CAMKMT: variants seen among roughly 807,000 people sequenced by gnomAD.
CAMKMT encodes CaM KMT.
CAMKMT carries 53 observed loss-of-function variants against 48.0 expected under a neutral mutation model. The observed-to-expected ratio is 1.10, with a 90% CI of 0.89 to 1.39. The LOEUF (loss-of-function observed/expected upper bound fraction) is 1.39. Among genes scored for constraint, CAMKMT ranks in the 40% most tolerant of loss-of-function variants. CAMKMT has a pLI of 0.00. For synonymous variants in CAMKMT, 165 were observed against 152.3 expected (o/e 1.08, Z -0.61); for missense variants, 428 against 402.7 (o/e 1.06, Z -0.54).
intron 3 of CAMKMT, among the ~76,000 whole-genome samples, chr2:44,625,302 C>T (rs1672417048): frequency 6.6e-6 from 1 of 152,034 alleles, no homozygotes; most frequent in Admixed American, 6.6e-5. Context: ...TTTTTTGGGA[C>T]ATGTTCAAAT....
chr2:44,522,464 G>C (rs1572707360), intron 3 of CAMKMT, among the ~76,000 whole-genome samples: 1 of 152,170 alleles, frequency 6.6e-6, no homozygotes. Flanking sequence ...TTGTAAACCT[G>C]CTGTGGGGCA....
chr2:44,560,473 T>G (rs7607525), intron 3 of CAMKMT, among the ~76,000 whole-genome samples: 1 of 151,898 alleles, frequency 6.6e-6, no homozygotes, highest in African/African-American at 2.4e-5. Flanking sequence ...TGTCTTGCTA[T>G]ATTGCCCAGG....
chr2:44,445,558 A>C (rs1446587063), intron 3 of CAMKMT, among the ~76,000 whole-genome samples: 1 of 150,846 alleles, frequency 6.6e-6, no homozygotes, highest in Non-Finnish European at 1.5e-5. Context: ...TGCACCCTCC[A>C]AACTGGGAAA....
intron 3 of CAMKMT, among the ~76,000 whole-genome samples, chr2:44,601,412 C>A (rs925136876): frequency 1.3e-5 from 2 of 151,952 alleles, no homozygotes; most frequent in African/African-American, 4.8e-5. Flanking sequence ...GCCAAGATTG[C>A]GCCATTGCAC....
At chr2:44,767,126 C>T (rs975459574) in intron 10 of CAMKMT, among the ~76,000 whole-genome samples, 2 of 152,230 alleles carry the variant, frequency 1.3e-5, no homozygotes, top group Non-Finnish European at 2.9e-5. Flanking sequence ...AGCCTGCTTA[C>T]ATAAAGCAAT....
intron 7 of CAMKMT, among the ~76,000 whole-genome samples, chr2:44,730,116 C>G (rs868403685): frequency 6.6e-6 from 1 of 152,148 alleles, no homozygotes; most frequent in Non-Finnish European, 1.5e-5. Context: ...AGATAGATAG[C>G]CTCAGGCTTT....
At chr2:44,482,314 C>G (rs1402470737) in intron 3 of CAMKMT, among the ~76,000 whole-genome samples, 1 of 152,074 alleles carries the variant, frequency 6.6e-6, no homozygotes. Context: ...GTTTTGTAAG[C>G]ATTAGAATAT....
At chr2:44,514,096 T>A (rs1407793488) in intron 3 of CAMKMT, among the ~76,000 whole-genome samples, 1 of 122,236 alleles carries the variant, frequency 8.2e-6, no homozygotes, top group Admixed American at 7.9e-5. Context: ...AGCGAGACCC[T>A]GTCTCAAAAA....
intron 8 of CAMKMT, among the ~76,000 whole-genome samples, chr2:44,745,293 G>T (rs972854809): frequency 6.6e-6 from 1 of 152,142 alleles, no homozygotes; most frequent in Non-Finnish European, 1.5e-5. Flanking sequence ...GCCTGGCTTT[G>T]TCATACCTTG....
chr2:44,376,227 A>G (rs1679675700), intron 2 of CAMKMT, among the ~76,000 whole-genome samples: 1 of 152,018 alleles, frequency 6.6e-6, no homozygotes, highest in African/African-American at 2.4e-5. Context: ...CCTGGCCAAC[A>G]TGCTGAAACC....
At chr2:44,493,935 T>G (rs546320983) in intron 3 of CAMKMT, among the ~76,000 whole-genome samples, 7 of 152,338 alleles carry the variant, frequency 4.6e-5, no homozygotes, top group African/African-American at 1.7e-4. Context: ...TGGCTACATT[T>G]GGATAATAAA....
chr2:44,740,676 C>T (rs1420751415), intron 7 of CAMKMT, among the ~76,000 whole-genome samples: 1 of 152,148 alleles, frequency 6.6e-6, no homozygotes, highest in African/African-American at 2.4e-5. Context: ...TGTCTCTAGC[C>T]ACATTCAGGT....
At chr2:44,382,258 G>A (rs1680324235) in intron 2 of CAMKMT, among the ~76,000 whole-genome samples, 1 of 151,462 alleles carries the variant, frequency 6.6e-6, no homozygotes, top group Non-Finnish European at 1.5e-5. Flanking sequence ...TAAATATTTT[G>A]CTCATTTTCA....
intron 7 of CAMKMT, among the ~76,000 whole-genome samples, chr2:44,739,967 G>T (rs1178588834): frequency 1.3e-5 from 2 of 152,124 alleles, no homozygotes; most frequent in Admixed American, 1.3e-4. Context: ...CAAAGGGGAT[G>T]GATCTAGGTG....
chr2:44,656,031 C>A (rs975733070), intron 3 of CAMKMT, among the ~76,000 whole-genome samples: 2 of 152,076 alleles, frequency 1.3e-5, no homozygotes, highest in Non-Finnish European at 2.9e-5. Context: ...ACATTAGTTT[C>A]TTTTAAGTGA....
chr2:44,714,042 A>T (rs910863116), intron 6 of CAMKMT, among the ~76,000 whole-genome samples: 46 of 152,340 alleles, frequency 3.0e-4, no homozygotes, highest in African/African-American at 1.1e-3. Context: ...GCTTCTTACC[A>T]TGACACATAG....
intron 3 of CAMKMT, among the ~76,000 whole-genome samples, chr2:44,406,567 G>A (rs984883328): frequency 2.6e-4 from 39 of 152,058 alleles, no homozygotes; most frequent in African/African-American, 9.2e-4. Context: ...AGTTTTCTGG[G>A]GAGATTAATT....
At chr2:44,497,028 A>T (rs1334823873) in intron 3 of CAMKMT, among the ~76,000 whole-genome samples, 1 of 152,186 alleles carries the variant, frequency 6.6e-6, no homozygotes, top group African/African-American at 2.4e-5. Context: ...TGGAAGTGGA[A>T]GGGTATCCTC....
chr2:44,444,197 G>A (rs1666845280), intron 3 of CAMKMT, among the ~76,000 whole-genome samples: 2 of 152,160 alleles, frequency 1.3e-5, no homozygotes, highest in East Asian at 1.9e-4. Context: ...CACCGTGTTG[G>A]ATACCATAGG....
Sources: allele counts gnomAD v4.1 joint callset (sites outside exome capture counted in the v4.1 genomes callset), GRCh38; gene constraint gnomAD v4.1.1; transcripts MANE v1.5; gene names NCBI Gene and HGNC (gene_info 2026-07-23, HGNC 2026-07-21).